SRCIN1: variants seen among roughly 807,000 people sequenced by gnomAD.
SRCIN1 encodes the protein SRC kinase signaling inhibitor 1, also known as P130Cas-associated protein.
In SRCIN1, 50 loss-of-function variants were observed where a neutral mutation model predicts 116.2. The observed-to-expected ratio is 0.43, with a 90% confidence interval of 0.34 to 0.54. The LOEUF (loss-of-function observed/expected upper bound fraction) is 0.54, where lower values mean the gene tolerates loss of function less well. Among genes scored for constraint, SRCIN1 ranks in the 20% least tolerant of loss-of-function variants. The pLI, the probability that SRCIN1 is intolerant of heterozygous loss-of-function variation, is 0.02. For missense variants in SRCIN1, 1,446 were observed against 1,672.0 expected (o/e 0.86, Z 2.36); for synonymous variants, 736 against 750.0 (o/e 0.98, Z 0.30).
In SRCIN1 at chr17:38,562,427, G is replaced by T. The variant is rs965100200; in HGVS notation, c.835-99C>A. ...GCATCTCCTCCCTGACGCTTAGGAA[G>T]TCCCTTCTGCTCTCTGCCCTCCCTC... On this transcript the variant is annotated intron_variant, in intron 6 of 18. Coordinates refer to ENST00000617146, the MANE Select transcript of SRCIN1 (RefSeq NM_025248.3). This position sits in a 1 kb window ranked among gnomAD's most constrained non-coding sequence, Gnocchi z 4.2. The T allele has an allele frequency of 1.5e-6, 2 of 1,306,606 alleles. No homozygotes were observed. The highest frequency in any genetic ancestry group is 2.0e-6 in the Non-Finnish European group (2 of 1,006,804). 80.9% of individuals were successfully genotyped at this position (1,306,606 alleles called of 1,614,324 possible). A position where few individuals can be genotyped will look rare whatever the true frequency, so the allele number is the denominator to read the frequency against.
intron 1 of SRCIN1, among the ~76,000 whole-genome samples, chr17:38,584,842 G>A (rs768271232): frequency 1.3e-4 from 20 of 152,162 alleles, no homozygotes; most frequent in Non-Finnish European, 2.4e-4. Flanking sequence ...AGGAGAACGG[G>A]GAGAGGAGAG....
rs1485424195 is a variant in SRCIN1 at position 38,552,718 on chromosome 17, G to A, written c.2332+7C>T. The A allele has an allele frequency of 2.5e-6, 4 of 1,613,658 alleles. No individual in the cohort carries two copies. Among genetic ancestry groups the A allele is most frequent in the Admixed American group, 1.7e-5 (1 of 59,982 alleles). On this transcript the variant is annotated splice_region_variant and intron_variant, in intron 12 of 18. Transcript: ENST00000617146. The surrounding 1 kb of genome is among the most constrained non-coding windows in gnomAD (Gnocchi z 5.3). ...CAACGTGCTGCATTCGCAGGCCCCA[G>A]ACCCACCCTTGAGCTCTGTCAGCGT...
At chr17:38,546,393 G>T (rs1375597754) in intron 17 of SRCIN1, 2 of 152,296 alleles carry the variant, frequency 1.3e-5, no homozygotes, top group Non-Finnish European at 2.9e-5. Flanking sequence ...GGGGAGATGG[G>T]AGGGGGCAGC....
intron 17 of SRCIN1, chr17:38,546,706 C>T (rs988208053): frequency 4.6e-5 from 7 of 152,530 alleles, no homozygotes; most frequent in Admixed American, 3.9e-4. Flanking sequence ...AGAGGTTCCT[C>T]GCACTGCTCT....
chr17:38,586,914 G>A (rs1480080180), intron 1 of SRCIN1, among the ~76,000 whole-genome samples: 2 of 152,192 alleles, frequency 1.3e-5, no homozygotes, highest in Non-Finnish European at 2.9e-5. Context: ...CTGGGGGCCT[G>A]GGCCCTGGCT....
In SRCIN1 at chr17:38,561,332, G is replaced by A. The variant is rs1331398921; in HGVS notation, c.1700+131C>T. 14 of 1,138,192 alleles carry A rather than the reference G, an allele frequency of 1.2e-5. No individual in the cohort carries two copies. In the East Asian group the frequency reaches 4.4e-4, roughly 36 times the overall value. 70.5% of individuals were successfully genotyped at this position (1,138,192 alleles called of 1,614,324 possible). ...AAGATGCTCTCTGGCGACCCTTCAA[G>A]ACTACTCAAGGTCTCCAAAGGACTC... On this transcript the variant is annotated intron_variant, in intron 7 of 18. Transcript: ENST00000617146.
intron 14 of SRCIN1, 150 bp from the exon 15 acceptor site, chr17:38,551,539 C>T: frequency 8.4e-6 from 6 of 712,550 alleles, no homozygotes; most frequent in South Asian, 1.9e-5. Flanking sequence ...TTTGACTTCT[C>T]GTGGGTATCA....
At position 38,551,148 on chromosome 17, in the gene SRCIN1, C is replaced by T. The variant is rs1477221319; in HGVS notation, c.2962+7G>A. ...GGGCTCCTTACCAGCCCTACTACTC[C>T]CCATACCTGAGCCCCTCCTCCCACT... On this transcript the variant is annotated splice_region_variant and intron_variant, in intron 15 of 18. Transcript: ENST00000617146. 1.4e-6 allele frequency: 2 copies of T among 1,456,846 alleles called. No individual in the cohort carries two copies. The highest frequency in any genetic ancestry group is 1.9e-5 in the Admixed American group (1 of 54,040). The allele number at this position is 1,456,846 out of a possible 1,614,324, so 90.2% of individuals were successfully genotyped here. A position where few individuals can be genotyped will look rare whatever the true frequency, so the allele number is the denominator to read the frequency against.
At chr17:38,574,965 AGC>A in intron 2 of SRCIN1, 1 of 401,094 alleles carries the variant, frequency 2.5e-6, no homozygotes, top group Non-Finnish European at 4.4e-6. Flanking sequence ...TCCACGGTCC[AGC>A]CGCCAACCTG....
intron 18 of SRCIN1, among the ~76,000 whole-genome samples, chr17:38,535,945 G>C (rs950588679): frequency 6.6e-6 from 1 of 152,090 alleles, no homozygotes; most frequent in Admixed American, 6.6e-5. Flanking sequence ...CATTTTTCAA[G>C]AGCCTCATTC....
intron 11 of SRCIN1, among the ~76,000 whole-genome samples, chr17:38,557,926 C>G (rs1905912914): frequency 6.6e-6 from 1 of 152,212 alleles, no homozygotes. Flanking sequence ...GGAAATCAGG[C>G]AGCTGGCCAC....
At chr17:38,548,863 G>T (rs989466442) in intron 16 of SRCIN1, among the ~76,000 whole-genome samples, 154 bp from the exon 17 acceptor site, 15 of 152,178 alleles carry the variant, frequency 9.9e-5, no homozygotes, top group Non-Finnish European at 1.9e-4. Flanking sequence ...CAGGGGCCTG[G>T]CATGGAATTA....
At chr17:38,539,828 C>T (rs1284616106) in intron 18 of SRCIN1, among the ~76,000 whole-genome samples, 1 of 151,952 alleles carries the variant, frequency 6.6e-6, no homozygotes, top group Non-Finnish European at 1.5e-5. Context: ...CAAGACCAGC[C>T]TGGTCAACAT....
intron 1 of SRCIN1, among the ~76,000 whole-genome samples, chr17:38,599,937 T>C (rs776258271): frequency 4.6e-5 from 7 of 152,264 alleles, no homozygotes; most frequent in South Asian, 4.1e-4. Context: ...TTATCTTCTC[T>C]GGGTTCAGAG....
intron 3 of SRCIN1, among the ~76,000 whole-genome samples, chr17:38,567,608 A>G (rs968332359): frequency 6.6e-6 from 1 of 152,124 alleles, no homozygotes; most frequent in Non-Finnish European, 1.5e-5. Context: ...CCAGGGGTCA[A>G]CAGGATACCC....
At position 38,563,225 on chromosome 17, in the gene SRCIN1, G is replaced by A. The variant is rs968201687; in HGVS notation, c.740+98C>T. On this transcript the variant is annotated intron_variant, in intron 5 of 18. Coordinates refer to ENST00000617146, the MANE Select transcript of SRCIN1 (RefSeq NM_025248.3). The surrounding 1 kb of genome is among the most constrained non-coding windows in gnomAD (Gnocchi z 5.8). ...GGAGGGGAGGGGAAAGGCTGAGGTC[G>A]GGTCAGGAAGGAGCTGGGGAAGGGC... 15 of 1,374,332 alleles carry A rather than the reference G, an allele frequency of 1.1e-5. 1 individual carries two copies. In the Admixed American group the frequency reaches 3.2e-4, roughly 29 times the overall value. The allele number at this position is 1,374,332 out of a possible 1,614,324, so 85.1% of individuals were successfully genotyped here.
At chr17:38,573,424 C>T (rs1907219758) in intron 2 of SRCIN1, among the ~76,000 whole-genome samples, 1 of 152,224 alleles carries the variant, frequency 6.6e-6, no homozygotes, top group East Asian at 1.9e-4. Flanking sequence ...GCCTTAGGGG[C>T]AGGGAGTGTG....
intron 7 of SRCIN1, 138 bp downstream of exon 7, chr17:38,561,325 C>G (rs1906222593): frequency 9.5e-7 from 1 of 1,049,246 alleles, no homozygotes; most frequent in African/African-American, 1.7e-5. Flanking sequence ...CTCTGGCGAC[C>G]CTTCAAGACT....
At chr17:38,570,899 T>C (rs901963585) in intron 2 of SRCIN1, among the ~76,000 whole-genome samples, 1 of 152,212 alleles carries the variant, frequency 6.6e-6, no homozygotes, top group Admixed American at 6.5e-5. Flanking sequence ...CTTGGATGCA[T>C]GAGAGATGTT....
Sources: allele counts gnomAD v4.1 joint callset (sites outside exome capture counted in the v4.1 genomes callset), GRCh38; gene constraint gnomAD v4.1.1; non-coding constraint Gnocchi (gnomAD v3.1); transcripts MANE v1.5; gene names NCBI Gene and HGNC (gene_info 2026-07-23, HGNC 2026-07-21).